WDFY2: variants seen among roughly 807,000 people sequenced by gnomAD.
The protein encoded by WDFY2 is WD repeat and FYVE domain containing 2.
WDFY2 carries 36 observed loss-of-function variants against 56.4 expected under a neutral mutation model. That is an observed-to-expected ratio of 0.64 (90% CI 0.49 to 0.84). The LOEUF (loss-of-function observed/expected upper bound fraction) is 0.84. Ranked by LOEUF, WDFY2 falls within the 40% of genes least tolerant of loss-of-function variation. The probability of loss-of-function intolerance (pLI) is 0.00; values close to 1 mark genes in which losing one functional copy is unlikely to be tolerated. For missense variants in WDFY2, 444 were observed against 512.2 expected, an observed-to-expected ratio of 0.87 and a Z score of 1.29; for synonymous variants, 176 against 183.7, an observed-to-expected ratio of 0.96 and a Z score of 0.34.
chr13:51,713,254 A>G (rs893295114), intron 4 of WDFY2, among the ~76,000 whole-genome samples: 2 of 152,260 alleles, frequency 1.3e-5, no homozygotes, highest in Non-Finnish European at 2.9e-5. Context: ...ATCCAGCAAT[A>G]TGTAAAAAAG....
At position 51,614,186 on chromosome 13, in the gene WDFY2, CAAAAAAAAAAAA is replaced by C. The variant is rs771044291; in HGVS notation, c.137+29375_137+29386del. Among the ~76,000 whole-genome samples, 6 of 60,948 alleles carry C rather than the reference CAAAAAAAAAAAA, an allele frequency of 9.8e-5. No individual in the cohort carries two copies. The South Asian group carries it at 2.1e-3, about 21-fold the overall frequency. The allele number at this position is 60,948 out of a possible 152,430, so 40.0% of individuals were successfully genotyped here. On this transcript the variant is annotated intron_variant, in intron 1 of 11. Transcript: ENST00000298125. ...GGGCGACAGTGCGAGACTCGGTCTC[CAAAAAAAAAAAA>C]AAAAAAAAAAAAGTGTATCTGTGAA...
chr13:51,648,104 T>C (rs1226781483), intron 1 of WDFY2, among the ~76,000 whole-genome samples: 1 of 152,094 alleles, frequency 6.6e-6, no homozygotes, highest in African/African-American at 2.4e-5. Context: ...CTGGTTAAGG[T>C]TGTAACTGAG....
chr13:51,644,530 A>C (rs899795328), intron 1 of WDFY2, among the ~76,000 whole-genome samples: 2 of 152,238 alleles, frequency 1.3e-5, no homozygotes, highest in Admixed American at 6.5e-5. Flanking sequence ...CCCAACTGAT[A>C]AAAACTCCAA....
intron 1 of WDFY2, among the ~76,000 whole-genome samples, chr13:51,628,340 C>T (rs560287089): frequency 6.6e-6 from 1 of 152,372 alleles, no homozygotes; most frequent in African/African-American, 2.4e-5. Context: ...ACGGCAGTGC[C>T]TGGGCTTTGC....
intron 4 of WDFY2, among the ~76,000 whole-genome samples, chr13:51,718,043 T>C (rs1008088533): frequency 6.6e-6 from 1 of 152,228 alleles, no homozygotes; most frequent in African/African-American, 2.4e-5. Context: ...GCCTGGCACT[T>C]GTAAGACATT....
At chr13:51,707,563 CA>C (rs574080359) in intron 4 of WDFY2, among the ~76,000 whole-genome samples, 161 of 152,092 alleles carry the variant, frequency 1.1e-3, no homozygotes, top group African/African-American at 3.8e-3. Context: ...TTTGGACACA[CA>C]AAAACAGAAA....
intron 1 of WDFY2, 145 bp downstream of exon 1, chr13:51,584,969 G>T (rs1953908446): frequency 6.6e-6 from 8 of 1,207,924 alleles, no homozygotes; most frequent in African/African-American, 1.5e-5. Context: ...TGGTGGTGCC[G>T]GTGTTCAGCT....
chr13:51,707,298 A>G (rs9568658), intron 4 of WDFY2, among the ~76,000 whole-genome samples: 14,073 of 152,170 alleles, frequency 0.092, 951 homozygotes, highest in East Asian at 0.29. Context: ...AGCTGGGACT[A>G]CAGGCGTATG....
At chr13:51,669,987 G>A (rs1355845139) in intron 2 of WDFY2, among the ~76,000 whole-genome samples, 1 of 152,138 alleles carries the variant, frequency 6.6e-6, no homozygotes, top group African/African-American at 2.4e-5. Context: ...TATGGGTCTG[G>A]TCAGGCACTT....
At chr13:51,646,833 A>G (rs1001492320) in intron 1 of WDFY2, among the ~76,000 whole-genome samples, 5 of 152,198 alleles carry the variant, frequency 3.3e-5, no homozygotes, top group Non-Finnish European at 4.4e-5. Flanking sequence ...TAGGATGGGT[A>G]GGGGCATGAA....
intron 1 of WDFY2, among the ~76,000 whole-genome samples, chr13:51,616,075 CT>C (rs1954606019): frequency 6.6e-6 from 1 of 152,166 alleles, no homozygotes; most frequent in Admixed American, 6.5e-5. Context: ...GAGACCTCAT[CT>C]TTATAAAGAC....
At chr13:51,751,568 T>G in intron 8 of WDFY2, 153 bp downstream of exon 8, 1 of 733,860 alleles carries the variant, frequency 1.4e-6, no homozygotes. Flanking sequence ...TTGTTTTTTT[T>G]TTCCCTCACA....
In WDFY2 at chr13:51,651,820, C is replaced by A. The variant is rs561773204; in HGVS notation, c.138-8776C>A. On this transcript the variant is annotated intron_variant, in intron 1 of 11. Transcript: ENST00000298125. ...TTGCTGAGGAGTGCTTTACTTCCAA[C>A]TATGTGGTCAGTTTTGGAATAGGTG... 1.1e-3 allele frequency among the ~76,000 whole-genome samples: 163 copies of A among 152,286 alleles called. 7 individuals carry two copies. The South Asian group carries it at 0.033, about 30-fold the overall frequency.
chr13:51,742,659 T>G (rs1005308930), intron 7 of WDFY2, among the ~76,000 whole-genome samples: 1 of 152,226 alleles, frequency 6.6e-6, no homozygotes, highest in Non-Finnish European at 1.5e-5. Flanking sequence ...TTTCTAATAG[T>G]GTTTTCCTAT....
rs528701871 is a variant in WDFY2 at position 51,766,814 on chromosome 13, A to C, written c.*7045A>C. On this transcript the variant is annotated 3_prime_UTR_variant, in exon 12 of 12. Transcript: ENST00000298125. The stretch of plus-strand genomic sequence containing the variant: ...ACCTTTCTGCAGCTATGGTCCCATC[A>C]CGGTTACATGTGGCCACGCACACAC... 4 of 152,356 alleles carry C rather than the reference A, an allele frequency of 2.6e-5. No homozygotes were observed. The South Asian group carries it at 6.2e-4, about 24-fold the overall frequency. The allele number at this position is 152,356 out of a possible 1,614,324, so 9.4% of individuals were successfully genotyped here.
chr13:51,621,137 C>T (rs1039741086), intron 1 of WDFY2, among the ~76,000 whole-genome samples: 6 of 152,202 alleles, frequency 3.9e-5, no homozygotes, highest in African/African-American at 2.4e-5. Flanking sequence ...GTAGTACAAG[C>T]CTTTCCTACA....
At chr13:51,589,447 T>G (rs1213519502) in intron 1 of WDFY2, 2 of 152,142 alleles carry the variant, frequency 1.3e-5, no homozygotes, top group Non-Finnish European at 1.5e-5. Context: ...TATGTTAAAA[T>G]TTTATTTCAT....
chr13:51,601,022 A>G (rs1192686651), intron 1 of WDFY2, among the ~76,000 whole-genome samples: 3 of 152,196 alleles, frequency 2.0e-5, no homozygotes, highest in Non-Finnish European at 4.4e-5. Flanking sequence ...AGGTATTTCA[A>G]TATGAATGTT....
At chr13:51,665,761 C>T (rs761248087) in intron 2 of WDFY2, among the ~76,000 whole-genome samples, 1 of 152,086 alleles carries the variant, frequency 6.6e-6, no homozygotes. Context: ...AACCTCAGGC[C>T]GGGTGTGTTG....
Sources: gnomAD v4.1 joint callset for allele counts (sites outside exome capture counted in the v4.1 genomes callset) on GRCh38, gnomAD v4.1.1 for gene constraint, MANE v1.5 for transcripts, NCBI Gene and HGNC (gene_info 2026-07-23, HGNC 2026-07-21) for gene names.